TOX: variants seen among roughly 807,000 people sequenced by gnomAD.
The protein encoded by TOX is thymocyte selection associated high mobility group box, also known as thymocyte selection-associated high mobility group box protein TOX.
Under a neutral mutation model 53.7 loss-of-function variants are expected in TOX, and 11 were observed. The observed-to-expected ratio is 0.20, with a 90% CI of 0.13 to 0.34. The LOEUF is 0.34. TOX is among the 10% of genes least tolerant of loss of function. TOX has a pLI of 1.00. For missense variants in TOX, 570 were observed against 664.6 expected (o/e 0.86, Z 1.56); for synonymous variants, 225 against 245.3 (o/e 0.92, Z 0.77).
intron 1 of TOX, among the ~76,000 whole-genome samples, chr8:59,063,558 G>A (rs1395014941): frequency 5.9e-5 from 9 of 151,544 alleles, no homozygotes; most frequent in African/African-American, 2.2e-4. Context: ...CGAGTAGCTG[G>A]AACTACAGGT....
In TOX at chr8:58,998,531, A is replaced by AAAAATT. The variant is rs1563413495; in HGVS notation, c.103-38524_103-38523insAATTTT. Reference sequence around the variant, plus strand: ...TATATATATATATATATATATATATATATATATAAATTTATATATAATAAA... The same window carrying AAAAATT: ...TATATATATATATATATATATATATAAAAATTTATATATAAATTTATATATAATAAA... On this transcript the variant is annotated intron_variant, in intron 1 of 8. Transcript: ENST00000361421. Among the ~76,000 whole-genome samples the AAAAATT allele has an allele frequency of 2.6e-4, 6 of 22,830 alleles. No homozygotes were observed. In the South Asian group the frequency reaches 0.013, roughly 51 times the overall value. The allele number at this position is 22,830 out of a possible 152,430, so 15.0% of individuals were successfully genotyped here.
intron 1 of TOX, among the ~76,000 whole-genome samples, chr8:59,000,249 A>C (rs768798287): frequency 6.6e-6 from 1 of 152,190 alleles, no homozygotes; most frequent in African/African-American, 2.4e-5. Flanking sequence ...AAGCTTAATC[A>C]AATTGATTGG....
intron 1 of TOX, among the ~76,000 whole-genome samples, chr8:58,968,972 A>C (rs963854725): frequency 1.2e-4 from 18 of 152,176 alleles, no homozygotes; most frequent in South Asian, 2.1e-4. Context: ...TTGAGATTAA[A>C]AGTGGTAGTA....
intron 6 of TOX, among the ~76,000 whole-genome samples, chr8:58,822,455 A>C (rs946765391): frequency 6.6e-6 from 1 of 152,198 alleles, no homozygotes; most frequent in Non-Finnish European, 1.5e-5. Flanking sequence ...TGTCCTATAG[A>C]TGTATCCTGC....
At chr8:58,808,399 G>A (rs563125254) in intron 7 of TOX, 130 bp from the exon 8 acceptor site, 68 of 1,158,268 alleles carry the variant, frequency 5.9e-5, no homozygotes, top group Non-Finnish European at 6.9e-5. Flanking sequence ...CAAGCCTGTC[G>A]GAAGAGCCCA....
At chr8:59,065,522 A>T (rs1804073608) in intron 1 of TOX, among the ~76,000 whole-genome samples, 3 of 152,174 alleles carry the variant, frequency 2.0e-5, no homozygotes, top group Admixed American at 1.3e-4. Flanking sequence ...ATTTAAGATT[A>T]TTGGCTTATG....
intron 5 of TOX, among the ~76,000 whole-genome samples, chr8:58,834,792 G>A (rs759189630): frequency 1.6e-4 from 25 of 152,162 alleles, no homozygotes; most frequent in Non-Finnish European, 2.8e-4. Flanking sequence ...TTCTGGCACA[G>A]GCCTGCATCC....
chr8:59,021,499 T>TATATATACAC (rs1554539851), intron 1 of TOX, among the ~76,000 whole-genome samples: 1,790 of 108,924 alleles, frequency 0.016, 133 homozygotes, highest in Non-Finnish European at 0.025. Context: ...TATATATATA[T>TATATATACAC]GCACATATAT....
chr8:59,052,497 T>C (rs1803810127), intron 1 of TOX, among the ~76,000 whole-genome samples: 1 of 152,240 alleles, frequency 6.6e-6, no homozygotes, highest in African/African-American at 2.4e-5. Context: ...ACTTTCAGAA[T>C]TAATTCAAGT....
intron 5 of TOX, among the ~76,000 whole-genome samples, chr8:58,837,688 A>G (rs1810570163): frequency 6.6e-6 from 1 of 152,222 alleles, no homozygotes; most frequent in African/African-American, 2.4e-5. Flanking sequence ...AGCAAAGAGC[A>G]AAGAGGGTTT....
intron 4 of TOX, among the ~76,000 whole-genome samples, chr8:58,850,337 A>G (rs547011770): frequency 6.6e-6 from 1 of 152,188 alleles, no homozygotes; most frequent in African/African-American, 2.4e-5. Context: ...TGGCCAGGAG[A>G]CAGAAAGAGG....
intron 1 of TOX, among the ~76,000 whole-genome samples, chr8:59,071,721 T>C (rs546385791): frequency 6.6e-6 from 1 of 152,344 alleles, no homozygotes; most frequent in East Asian, 1.9e-4. Context: ...AGATTTTGAC[T>C]GAATGTGACT....
chr8:58,894,663 G>A (rs933508587), intron 3 of TOX, among the ~76,000 whole-genome samples: 6 of 152,126 alleles, frequency 3.9e-5, no homozygotes, highest in Non-Finnish European at 7.4e-5. Context: ...GGAGGCCGAC[G>A]CGGGTGGATC....
chr8:59,024,686 G>A (rs781287561), intron 1 of TOX, among the ~76,000 whole-genome samples: 15 of 151,660 alleles, frequency 9.9e-5, no homozygotes, highest in Non-Finnish European at 1.6e-4. Context: ...CAGATAATCT[G>A]AATTATATCT....
In TOX at chr8:58,854,861, C is replaced by T. The variant is rs186394614; in HGVS notation, c.412-3056G>A. Among the ~76,000 whole-genome samples the T allele has an allele frequency of 7.2e-5, 11 of 152,204 alleles. No individual in the cohort carries two copies. In the East Asian group the frequency reaches 2.1e-3, roughly 29 times the overall value. ...TCCTAAGAGACAGTTCAGTATTAAT[C>T]ACTGCCTAATGTATAATATGGGGAA... On this transcript the variant is annotated intron_variant, in intron 3 of 8. Coordinates refer to ENST00000361421, the MANE Select transcript of TOX (RefSeq NM_014729.3).
At chr8:59,045,555 G>T (rs181595142) in intron 1 of TOX, among the ~76,000 whole-genome samples, 23 of 152,222 alleles carry the variant, frequency 1.5e-4, no homozygotes, top group Admixed American at 1.3e-3. Context: ...TAGTAGTTTG[G>T]TCTGTAGAAT....
At position 59,118,593 on chromosome 8, in the gene TOX, T is replaced by A. The variant is rs1805150857; in HGVS notation, c.102+293A>T. ...AGTATTCCACGGTTTTCTCTTATTA[T>A]TTTTTTAAACGCCCCCCGGCAAACC... On this transcript the variant is annotated intron_variant, in intron 1 of 8. Coordinates refer to ENST00000361421, the MANE Select transcript of TOX (RefSeq NM_014729.3). The surrounding 1 kb of genome is among the most constrained non-coding windows in gnomAD (Gnocchi z 4.1). 6.6e-6 allele frequency among the ~76,000 whole-genome samples: 1 copy of A among 152,114 alleles called. No homozygotes were observed. The highest frequency in any genetic ancestry group is 2.4e-5 in the African/African-American group (1 of 41,438).
intron 1 of TOX, among the ~76,000 whole-genome samples, chr8:59,078,082 T>C (rs1459830438): frequency 6.6e-6 from 1 of 152,212 alleles, no homozygotes; most frequent in Admixed American, 6.5e-5. Flanking sequence ...ATTAGTAATG[T>C]CACCAAAAGT....
At chr8:58,964,155 G>T (rs1248129817) in intron 1 of TOX, among the ~76,000 whole-genome samples, 2 of 152,132 alleles carry the variant, frequency 1.3e-5, no homozygotes, top group Middle Eastern at 3.2e-3. Flanking sequence ...TCAAATGTTA[G>T]ATTCAGTTCT....
Sources: allele counts gnomAD v4.1 joint callset (sites outside exome capture counted in the v4.1 genomes callset), GRCh38; gene constraint gnomAD v4.1.1; non-coding constraint Gnocchi (gnomAD v3.1); transcripts MANE v1.5; gene names NCBI Gene and HGNC (gene_info 2026-07-23, HGNC 2026-07-21).